Variants in WWOX observed in about 807,000 individuals in gnomAD.
The protein encoded by WWOX is WW domain containing oxidoreductase, also known as WW domain-containing oxidoreductase.
WWOX carries 69 observed loss-of-function variants against 46.2 expected under a neutral mutation model. The observed-to-expected ratio is 1.49, with a 90% CI of 1.23 to 1.82. The LOEUF is 1.82. Ranked by LOEUF, WWOX falls within the 40% of genes most tolerant of loss-of-function variation. The pLI is 0.00. For missense variants in WWOX, 919 were observed against 542.6 expected (o/e 1.69, Z -6.89); for synonymous variants, 359 against 202.6 (o/e 1.77, Z -6.56).
intron 5 of WWOX, among the ~76,000 whole-genome samples, chr16:78,236,446 C>T (rs1183695803): frequency 6.6e-6 from 1 of 152,164 alleles, no homozygotes; most frequent in East Asian, 1.9e-4. Flanking sequence ...TTAAGAGCTT[C>T]AAGGGTCATT....
intron 6 of WWOX, among the ~76,000 whole-genome samples, chr16:78,413,469 C>G (rs2082727767): frequency 6.6e-6 from 1 of 152,090 alleles, no homozygotes; most frequent in Non-Finnish European, 1.5e-5. Flanking sequence ...GTGGATCTCA[C>G]AAAGTACATT....
chr16:78,861,144 C>T (rs924336497), intron 8 of WWOX, among the ~76,000 whole-genome samples: 1 of 152,096 alleles, frequency 6.6e-6, no homozygotes, highest in African/African-American at 2.4e-5. Context: ...TGCCTGCCTG[C>T]CTTTCCTCCC....
chr16:78,445,694 C>T (rs1045001467), intron 8 of WWOX, among the ~76,000 whole-genome samples: 10 of 152,150 alleles, frequency 6.6e-5, no homozygotes, highest in African/African-American at 9.7e-5. Flanking sequence ...CTAGCTAACA[C>T]GGTGAAACCC....
intron 8 of WWOX, among the ~76,000 whole-genome samples, chr16:79,021,287 G>T (rs1027303170): frequency 1.3e-5 from 2 of 152,124 alleles, no homozygotes; most frequent in African/African-American, 2.4e-5. Context: ...CTAGGGTAAG[G>T]CACGCAGGAT....
intron 8 of WWOX, among the ~76,000 whole-genome samples, chr16:78,988,881 A>G (rs2046831378): frequency 6.6e-6 from 1 of 152,182 alleles, no homozygotes; most frequent in Non-Finnish European, 1.5e-5. Flanking sequence ...TGGAGAAACG[A>G]GCTCTGGTGG....
At position 78,615,158 on chromosome 16, in the gene WWOX, A is replaced by G. The variant is rs1251298033; in HGVS notation, c.1056+182406A>G. On this transcript the variant is annotated intron_variant, in intron 8 of 8. Transcript: ENST00000566780. ...GCTAAATTAAAATACTCACATTCCCATTATTTTTTAGAGGTTGTAAGCTAA... is the reference window on the plus strand; with the variant it reads ...GCTAAATTAAAATACTCACATTCCCGTTATTTTTTAGAGGTTGTAAGCTAA... 3.9e-5 allele frequency among the ~76,000 whole-genome samples: 6 copies of G among 152,160 alleles called. No homozygotes were observed. The East Asian group carries it at 1.2e-3, about 29-fold the overall frequency.
chr16:78,930,243 C>CTTCT (rs1217060150), intron 8 of WWOX, among the ~76,000 whole-genome samples: 2 of 124,604 alleles, frequency 1.6e-5, no homozygotes, highest in Non-Finnish European at 3.5e-5. Context: ...TCCTTCCTTC[C>CTTCT]TTCCTTCCTT....
chr16:78,710,614 T>C (rs960869965), intron 8 of WWOX, among the ~76,000 whole-genome samples: 2 of 148,428 alleles, frequency 1.3e-5, no homozygotes, highest in African/African-American at 4.9e-5. Context: ...TATATGTGTA[T>C]ATATAGATTT....
chr16:79,040,544 G>A (rs1215926894), intron 8 of WWOX, among the ~76,000 whole-genome samples: 2 of 152,090 alleles, frequency 1.3e-5, no homozygotes, highest in Non-Finnish European at 2.9e-5. Context: ...ACAAAGTGCT[G>A]GGCTTACAGG....
At chr16:78,472,836 A>AAAAAAAAAT (rs1421843878) in intron 8 of WWOX, among the ~76,000 whole-genome samples, 2 of 135,532 alleles carry the variant, frequency 1.5e-5, no homozygotes, top group Non-Finnish European at 3.2e-5. Context: ...AAAAAAAAAA[A>AAAAAAAAAT]TTATGTCATT....
At chr16:79,096,982 A>C (rs112368077) in intron 8 of WWOX, among the ~76,000 whole-genome samples, 4,290 of 152,166 alleles carry the variant, frequency 0.028, 179 homozygotes, top group African/African-American at 0.091. Context: ...GGAAGGGGGC[A>C]TGCTGTCATT....
intron 8 of WWOX, among the ~76,000 whole-genome samples, chr16:78,523,316 G>A (rs977604934): frequency 1.3e-5 from 2 of 152,224 alleles, no homozygotes; most frequent in African/African-American, 2.4e-5. Context: ...GTAGACAGCT[G>A]TAAACTGGAT....
At chr16:78,750,800 C>T (rs759751240) in intron 8 of WWOX, among the ~76,000 whole-genome samples, 4 of 152,084 alleles carry the variant, frequency 2.6e-5, no homozygotes, top group Non-Finnish European at 5.9e-5. Context: ...AAGCTGTATC[C>T]ACGTTGCTGC....
intron 8 of WWOX, among the ~76,000 whole-genome samples, chr16:79,035,842 G>C (rs948145265): frequency 1.3e-5 from 2 of 152,212 alleles, no homozygotes; most frequent in African/African-American, 4.8e-5. Flanking sequence ...CAGGGATCCT[G>C]CCTCTGCCTC....
At chr16:78,694,630 C>T (rs562414178) in intron 8 of WWOX, among the ~76,000 whole-genome samples, 1 of 152,210 alleles carries the variant, frequency 6.6e-6, no homozygotes, top group Non-Finnish European at 1.5e-5. Context: ...CAAAGGCATT[C>T]TGCATGCCCA....
rs1376931835 is a variant in WWOX, at chr16:78,450,063, A to G, written c.1056+17311A>G. 2.6e-5 allele frequency among the ~76,000 whole-genome samples: 4 copies of G among 152,156 alleles called. No homozygotes were observed. The South Asian group carries it at 6.2e-4, about 24-fold the overall frequency. On this transcript the variant is annotated intron_variant, in intron 8 of 8. Coordinates refer to ENST00000566780, the MANE Select transcript of WWOX (RefSeq NM_016373.4). ...AACCACCCGTTACTTTGCTGCTTTT[A>G]GAAAATAGGTTTGAGATTGATTTTG...
chr16:79,069,338 C>T (rs1237285929), intron 8 of WWOX, among the ~76,000 whole-genome samples: 5 of 152,170 alleles, frequency 3.3e-5, no homozygotes, highest in South Asian at 4.1e-4. Context: ...ACATGAGCTT[C>T]CAGCAAAAGA....
chr16:78,375,050 T>G (rs945870354), intron 5 of WWOX, among the ~76,000 whole-genome samples: 2 of 152,224 alleles, frequency 1.3e-5, no homozygotes, highest in Admixed American at 6.5e-5. Flanking sequence ...AGATACCATT[T>G]TAAGCAGGAA....
intron 5 of WWOX, 22 bp downstream of exon 5, chr16:78,164,311 T>G (rs1334762885): frequency 3.8e-6 from 6 of 1,594,880 alleles, no homozygotes; most frequent in Non-Finnish European, 5.1e-6. Flanking sequence ...ACTGTTGTTG[T>G]TTTTTTTAAT....
Sources: allele counts gnomAD v4.1 joint callset (sites outside exome capture counted in the v4.1 genomes callset), GRCh38; gene constraint gnomAD v4.1.1; transcripts MANE v1.5; gene names NCBI Gene and HGNC (gene_info 2026-07-23, HGNC 2026-07-21).